CELF2: variants seen among roughly 807,000 people sequenced by gnomAD.
The protein encoded by CELF2 is CUG triplet repeat RNA-binding protein 2.
A neutral mutation model predicts 62.6 loss-of-function variants in CELF2; 8 were observed. The ratio of observed to expected loss-of-function variants is 0.13; its 90% CI spans 0.07 to 0.23. The LOEUF (loss-of-function observed/expected upper bound fraction) is 0.23. Ranked by LOEUF, CELF2 falls within the 10% of genes least tolerant of loss-of-function variation. CELF2 has a pLI of 1.00. For missense variants in CELF2, 333 were observed against 671.0 expected (o/e 0.50, Z 5.56); for synonymous variants, 258 against 250.0 (o/e 1.03, Z -0.30).
chr10:10,672,188 G>A, the CELF2 span, among the ~76,000 whole-genome samples: 5 of 152,158 alleles, frequency 3.3e-5, no homozygotes, highest in South Asian at 1.0e-3. Context: ...GCCGGTCTGT[G>A]ACTTGCCTTT....
chr10:11,038,303 C>T (rs1348519145), intron 1 of CELF2, among the ~76,000 whole-genome samples: 1 of 152,174 alleles, frequency 6.6e-6, no homozygotes, highest in Non-Finnish European at 1.5e-5. Flanking sequence ...TCTTGCCTAG[C>T]CTCTGCCCTA....
At chr10:10,804,266 G>T (rs555452778) in intron 1 of CELF2, among the ~76,000 whole-genome samples, 1 of 152,198 alleles carries the variant, frequency 6.6e-6, no homozygotes, top group Non-Finnish European at 1.5e-5. Context: ...GTTAGCCTGA[G>T]AGCAGCCATA....
the CELF2 span, among the ~76,000 whole-genome samples, chr10:10,763,063 A>T: frequency 2.0e-5 from 3 of 152,220 alleles, no homozygotes; most frequent in African/African-American, 7.2e-5. Flanking sequence ...TCTACATGCG[A>T]TCTCTGCTTA....
At chr10:10,989,208 C>A (rs1359279977) in intron 2 of CELF2, among the ~76,000 whole-genome samples, 2 of 152,072 alleles carry the variant, frequency 1.3e-5, no homozygotes, top group African/African-American at 4.8e-5. Context: ...GTGTTCAGAA[C>A]AAATACCAAT....
At chr10:10,606,898 T>G in the CELF2 span, among the ~76,000 whole-genome samples, 6 of 152,176 alleles carry the variant, frequency 3.9e-5, no homozygotes, top group Non-Finnish European at 8.8e-5. Flanking sequence ...AGACTAGATA[T>G]GTTAAGAACT....
intron 2 of CELF2, among the ~76,000 whole-genome samples, chr10:11,169,945 G>A (rs1354286884): frequency 6.6e-6 from 1 of 152,190 alleles, no homozygotes; most frequent in African/African-American, 2.4e-5. Flanking sequence ...CAGTGTCACA[G>A]AAGAGTCAAG....
At chr10:11,180,998 T>A (rs2073175297) in intron 2 of CELF2, among the ~76,000 whole-genome samples, 1 of 152,202 alleles carries the variant, frequency 6.6e-6, no homozygotes, top group Non-Finnish European at 1.5e-5. Context: ...GCTTCCCTAA[T>A]AACTGGGACT....
intron 8 of CELF2, among the ~76,000 whole-genome samples, chr10:11,283,884 G>A (rs2089982767): frequency 6.7e-6 from 1 of 149,500 alleles, no homozygotes; most frequent in Non-Finnish European, 1.5e-5. Flanking sequence ...TGGATGGAGG[G>A]GTGGGTGGAT....
chr10:11,017,786 C>A, upstream of CELF2: 1 of 212,880 alleles, frequency 4.7e-6, no homozygotes, highest in Non-Finnish European at 8.1e-6. This position sits in a 1 kb window ranked among gnomAD's most constrained non-coding sequence, Gnocchi z 5.5. Context: ...GCCCTGTGTC[C>A]CCGCGGGGCG....
intron 2 of CELF2, among the ~76,000 whole-genome samples, chr10:11,184,432 A>C (rs886691377): frequency 2.6e-5 from 4 of 152,234 alleles, no homozygotes; most frequent in African/African-American, 9.6e-5. Context: ...AGTTTTTACA[A>C]TAAAGTCCTA....
intron 3 of CELF2, among the ~76,000 whole-genome samples, chr10:11,221,610 T>C (rs2064907071): frequency 6.6e-6 from 1 of 152,232 alleles, no homozygotes; most frequent in African/African-American, 2.4e-5. Flanking sequence ...GAGCATTCAC[T>C]GTATAAATTA....
At chr10:10,935,967 C>T (rs527374434) in intron 2 of CELF2, among the ~76,000 whole-genome samples, 3 of 149,864 alleles carry the variant, frequency 2.0e-5, no homozygotes, top group Non-Finnish European at 3.0e-5. Context: ...GCCTGGCCAA[C>T]GTGGTGAAAC....
At chr10:11,004,428 T>C (rs908283112), upstream of CELF2, among the ~76,000 whole-genome samples, 9 of 151,880 alleles carry the variant, frequency 5.9e-5, no homozygotes, top group African/African-American at 1.9e-4. This position sits in a 1 kb window ranked among gnomAD's most constrained non-coding sequence, Gnocchi z 5.0. Flanking sequence ...CGCGCGTGTG[T>C]GTGTGTGTGT....
At position 11,267,919 on chromosome 10, in the gene CELF2, G is replaced by A. The variant is rs1565653153; in HGVS notation, c.618+1242G>A. ...TTTTTCGAACATTGATCTTGACTTT[G>A]ATATTCCTAACATATCTTATATAAT... is the stretch of plus-strand genomic sequence containing the variant. On this transcript the variant is annotated intron_variant, in intron 6 of 12. Transcript: ENST00000633077. The surrounding 1 kb of genome is among the most constrained non-coding windows in gnomAD (Gnocchi z 4.4). Among the ~76,000 whole-genome samples, 1 of 152,106 alleles carries A rather than the reference G, an allele frequency of 6.6e-6. No homozygotes were observed. The highest frequency in any genetic ancestry group is 1.5e-5 in the Non-Finnish European group (1 of 68,028).
At chr10:10,787,009 A>G in the CELF2 span, among the ~76,000 whole-genome samples, 9 of 152,182 alleles carry the variant, frequency 5.9e-5, 1 homozygote, top group Admixed American at 5.2e-4. Flanking sequence ...TCAGTTTTCA[A>G]GTGAATGATT....
chr10:10,608,123 C>A, the CELF2 span, among the ~76,000 whole-genome samples: 1 of 141,028 alleles, frequency 7.1e-6, no homozygotes, highest in Non-Finnish European at 1.6e-5. Context: ...GAGCAAAACT[C>A]TGTTAAAAAC....
the CELF2 span, among the ~76,000 whole-genome samples, chr10:10,783,475 C>A: frequency 6.6e-6 from 1 of 152,160 alleles, no homozygotes; most frequent in African/African-American, 2.4e-5. Flanking sequence ...AGGAACCAAC[C>A]CTGCCAGTAC....
chr10:10,532,581 C>T, the CELF2 span, among the ~76,000 whole-genome samples: 11 of 152,120 alleles, frequency 7.2e-5, no homozygotes, highest in African/African-American at 9.7e-5. Flanking sequence ...AGCAGCAGAA[C>T]GTTAGTTAAA....
At chr10:10,712,065 CT>C in the CELF2 span, among the ~76,000 whole-genome samples, 1 of 143,990 alleles carries the variant, frequency 6.9e-6, no homozygotes, top group East Asian at 2.1e-4. Flanking sequence ...CCACTTTTCC[CT>C]GAATTTCCTC....
Sources: allele counts gnomAD v4.1 joint callset (sites outside exome capture counted in the v4.1 genomes callset), GRCh38; gene constraint gnomAD v4.1.1; non-coding constraint Gnocchi (gnomAD v3.1); transcripts MANE v1.5; gene names NCBI Gene and HGNC (gene_info 2026-07-23, HGNC 2026-07-21).